TRIM5: variants seen among roughly 807,000 people sequenced by gnomAD.
TRIM5 encodes tripartite motif containing 5, also known as tripartite motif-containing protein 5.
Under a neutral mutation model 35.6 loss-of-function variants are expected in TRIM5, and 31 were observed. The observed-to-expected ratio is 0.87, with a 90% CI of 0.65 to 1.18. The LOEUF (loss-of-function observed/expected upper bound fraction) is 1.18, where lower values mean the gene tolerates loss of function less well. Ranked by LOEUF, TRIM5 falls within the 50% of genes most tolerant of loss-of-function variation. The pLI, the probability that TRIM5 is intolerant of heterozygous loss-of-function variation, is 0.00. For missense variants in TRIM5, 609 were observed against 591.6 expected (o/e 1.03, Z -0.31); for synonymous variants, 243 against 215.6 (o/e 1.13, Z -1.11).
chr11:5,616,992 C>T, the TRIM5 span, among the ~76,000 whole-genome samples: 2 of 142,234 alleles, frequency 1.4e-5, no homozygotes, highest in Non-Finnish European at 3.1e-5. Flanking sequence ...CTGCCTCGGC[C>T]TCTCAAAGTG....
At chr11:5,637,395 C>T in the TRIM5 span, among the ~76,000 whole-genome samples, 3 of 152,186 alleles carry the variant, frequency 2.0e-5, no homozygotes, top group Non-Finnish European at 2.9e-5. Context: ...GACAGAAAGA[C>T]GCTCAACTTG....
chr11:5,638,311 C>A, the TRIM5 span, among the ~76,000 whole-genome samples: 1 of 152,170 alleles, frequency 6.6e-6, no homozygotes, highest in Non-Finnish European at 1.5e-5. Context: ...AATTAATAGG[C>A]ACAGAGAGGC....
the TRIM5 span, among the ~76,000 whole-genome samples, chr11:5,596,376 G>C: frequency 2.6e-5 from 4 of 151,744 alleles, no homozygotes; most frequent in Admixed American, 2.6e-4. Flanking sequence ...AATAGGCCGT[G>C]TAAAGAGAGT....
At chr11:5,661,411 C>T (rs889981802), downstream of TRIM5, among the ~76,000 whole-genome samples, 7 of 152,128 alleles carry the variant, frequency 4.6e-5, no homozygotes, top group African/African-American at 1.7e-4. Flanking sequence ...TCTGCTTCTT[C>T]GTATTCTTTG....
At chr11:5,603,221 T>C in the TRIM5 span, 383 of 1,599,696 alleles carry the variant, frequency 2.4e-4, no homozygotes, top group Admixed American at 2.5e-4. Context: ...ACCCTGATCC[T>C]TTTTTTGTTT....
intron 4 of TRIM5, chr11:5,669,898 C>A: frequency 5.2e-6 from 1 of 192,178 alleles, no homozygotes; most frequent in African/African-American, 2.4e-5. Flanking sequence ...TTGTTTGAAC[C>A]CAGGAGGCGG....
downstream of TRIM5, among the ~76,000 whole-genome samples, chr11:5,660,667 T>G (rs1006009009): frequency 2.0e-5 from 3 of 151,988 alleles, no homozygotes; most frequent in African/African-American, 7.3e-5. Flanking sequence ...TTCAGTGTGG[T>G]TGTAATGTTT....
the TRIM5 span, among the ~76,000 whole-genome samples, chr11:5,598,461 A>G: frequency 6.6e-6 from 1 of 152,238 alleles, no homozygotes; most frequent in Non-Finnish European, 1.5e-5. Flanking sequence ...TGAACTAGAA[A>G]TAGAATGAAG....
In TRIM5 at chr11:5,665,076, C is replaced by A. The variant is rs907689247; in HGVS notation, c.1215G>T (p.Glu405Asp). ...PKYGYWVIGL[E>D]EGVKCSAFQD... ...GGAAAGCACTACATTTAACTCCTTC[C>A]TCTAACCCTATAACCCAGTAGCCGT... The change falls in exon 8 of 8, where the codon GAG becomes GAT. Residue 405 changes from glutamate to aspartate, a missense_variant. Physicochemically the swap from Glu to Asp is conservative, Grantham distance 45. Coordinates refer to ENST00000380034, the MANE Select transcript of TRIM5 (RefSeq NM_033034.3). 2.5e-6 allele frequency: 4 copies of A among 1,613,972 alleles called. No individual in the cohort carries two copies. The highest frequency in any genetic ancestry group is 1.3e-5 in the African/African-American group (1 of 74,900).
the TRIM5 span, chr11:5,634,824 A>C: frequency 6.2e-7 from 1 of 1,613,342 alleles, no homozygotes; most frequent in African/African-American, 1.3e-5. Context: ...TCAGATGTGG[A>C]GTGTCGGAGT....
chr11:5,680,721 G>A (rs1219992457), intron 1 of TRIM5, among the ~76,000 whole-genome samples: 2 of 152,192 alleles, frequency 1.3e-5, no homozygotes, highest in African/African-American at 4.8e-5. Flanking sequence ...AAAAATACCT[G>A]CTCTGACTAC....
chr11:5,593,364 ACAGGAAT>A, the TRIM5 span, among the ~76,000 whole-genome samples: 29 of 152,226 alleles, frequency 1.9e-4, no homozygotes, highest in Non-Finnish European at 7.3e-5. Context: ...ATTTCTGACA[ACAGGAAT>A]CATCTAACAC....
chr11:5,636,263 G>A, the TRIM5 span, among the ~76,000 whole-genome samples: 1 of 152,074 alleles, frequency 6.6e-6, no homozygotes, highest in African/African-American at 2.4e-5. Flanking sequence ...ATTGAAAGAA[G>A]GCAAACACAA....
the TRIM5 span, among the ~76,000 whole-genome samples, chr11:5,651,760 G>T: frequency 6.6e-6 from 1 of 152,170 alleles, no homozygotes; most frequent in Non-Finnish European, 1.5e-5. Context: ...ATGCCCACCA[G>T]TAGTGTGTAA....
intron 4 of TRIM5, among the ~76,000 whole-genome samples, chr11:5,677,265 C>A (rs996010519): frequency 6.6e-6 from 1 of 151,966 alleles, no homozygotes; most frequent in African/African-American, 2.4e-5. Flanking sequence ...AAGAAAAAAA[C>A]AAACAACCCC....
At chr11:5,641,139 T>G in the TRIM5 span, 1 of 1,612,608 alleles carries the variant, frequency 6.2e-7, no homozygotes, top group Non-Finnish European at 8.5e-7. Context: ...TTATACACTT[T>G]GACTCATGTT....
chr11:5,665,108 G>C lies in TRIM5; in HGVS notation c.1183C>G (p.Pro395Ala). 1 of 1,614,048 alleles carries C rather than the reference G, an allele frequency of 6.2e-7. No homozygotes were observed. The highest frequency in any genetic ancestry group is 1.3e-5 in the African/African-American group (1 of 74,996). ...CNIEKNENYQ[P>A]KYGYWVIGLE... ...CCTATAACCCAGTAGCCGTATTTAG[G>C]TTGATAATTTTCATTTTTTTCAATA... Residue 395 changes from proline (P) to alanine (A), a missense_variant, in exon 8 of 8, where the codon CCT (proline) becomes GCT (alanine). Pro to Ala is a conservative substitution (Grantham distance 27, BLOSUM62 -1). Coordinates refer to ENST00000380034, the MANE Select transcript of TRIM5 (RefSeq NM_033034.3).
At chr11:5,682,978 G>A (rs1194241879) in intron 1 of TRIM5, among the ~76,000 whole-genome samples, 1 of 152,322 alleles carries the variant, frequency 6.6e-6, no homozygotes, top group Non-Finnish European at 1.5e-5. Flanking sequence ...GGGGCTGCGC[G>A]CCGCGCTTGT....
chr11:5,634,774 T>A, the TRIM5 span: 1 of 1,614,012 alleles, frequency 6.2e-7, no homozygotes, highest in African/African-American at 1.3e-5. Context: ...AGGCTGAGGA[T>A]GAGCTAGTTC....
Sources: gnomAD v4.1 joint callset for allele counts (sites outside exome capture counted in the v4.1 genomes callset) on GRCh38, gnomAD v4.1.1 for gene constraint, MANE v1.5 for transcripts, NCBI Gene and HGNC (gene_info 2026-07-23, HGNC 2026-07-21) for gene names.